Variants in MARCHF1 observed in about 807,000 individuals in gnomAD.
The protein encoded by MARCHF1 is E3 ubiquitin-protein ligase MARCHF1.
In MARCHF1, 40 loss-of-function variants were observed where a neutral mutation model predicts 54.2. The ratio of observed to expected loss-of-function variants is 0.74; its 90% confidence interval spans 0.57 to 0.96. MARCHF1 has a LOEUF of 0.96. Ranked by LOEUF, MARCHF1 falls within the 40% of genes least tolerant of loss-of-function variation. The pLI is 0.00. For missense variants in MARCHF1, 586 were observed against 656.5 expected, an observed-to-expected ratio of 0.89 and a Z score of 1.17; for synonymous variants, 236 against 236.3, an observed-to-expected ratio of 1.00 and a Z score of 0.01.
At chr4:164,135,822 A>G (rs1756389438) in intron 1 of MARCHF1, among the ~76,000 whole-genome samples, 2 of 152,260 alleles carry the variant, frequency 1.3e-5, no homozygotes, top group South Asian at 4.1e-4. Flanking sequence ...CACCAGGATT[A>G]TTGGAATTCC....
chr4:163,955,932 A>G (rs1752224586), intron 3 of MARCHF1, among the ~76,000 whole-genome samples: 1 of 152,172 alleles, frequency 6.6e-6, no homozygotes, highest in Non-Finnish European at 1.5e-5. Flanking sequence ...GCAAATAGAA[A>G]GGGATGGGAG....
At chr4:164,239,533 CT>C (rs1448510765) in intron 1 of MARCHF1, among the ~76,000 whole-genome samples, 3 of 152,086 alleles carry the variant, frequency 2.0e-5, no homozygotes, top group Admixed American at 2.0e-4. Context: ...TCCTTGACAA[CT>C]TTGATTTTCC....
intron 4 of MARCHF1, among the ~76,000 whole-genome samples, chr4:163,742,335 CCTCCCTCCCTCT>C (rs1453257443): frequency 4.1e-5 from 6 of 147,492 alleles, no homozygotes; most frequent in Admixed American, 3.4e-4. Flanking sequence ...CCTCCCTTTC[CCTCCCTCCCTCT>C]CTCCCTCCCT....
chr4:164,217,789 C>T (rs113914583), intron 1 of MARCHF1, among the ~76,000 whole-genome samples: 3 of 152,278 alleles, frequency 2.0e-5, no homozygotes, highest in East Asian at 1.9e-4. Flanking sequence ...GCTCCCCACT[C>T]ATCGGTCTCC....
intron 4 of MARCHF1, among the ~76,000 whole-genome samples, chr4:163,742,284 G>C (rs1000337728): frequency 1.3e-5 from 2 of 151,796 alleles, no homozygotes; most frequent in African/African-American, 2.4e-5. Flanking sequence ...TCAATTATTG[G>C]CTAGTACTAA....
chr4:164,235,503 T>C (rs1382080432), intron 1 of MARCHF1, among the ~76,000 whole-genome samples: 1 of 152,164 alleles, frequency 6.6e-6, no homozygotes, highest in Non-Finnish European at 1.5e-5. Flanking sequence ...TCTAGTTTAA[T>C]TTCTCTTCTA....
intron 1 of MARCHF1, among the ~76,000 whole-genome samples, chr4:164,330,515 C>A (rs752176632): frequency 2.0e-5 from 3 of 152,192 alleles, no homozygotes; most frequent in Non-Finnish European, 2.9e-5. Flanking sequence ...TCAAACTGTG[C>A]AAGTTGCAAA....
chr4:164,247,824 T>C lies in MARCHF1; in HGVS notation c.-323+136046A>G, dbSNP rs886323825. On this transcript the variant is annotated intron_variant, in intron 1 of 9. Transcript: ENST00000514618. ...TCACCCTAGAACATTCCATCTAGTA[T>C]GGGAAAGGAGGTATTTGTATCTATC... Among the ~76,000 whole-genome samples the C allele has an allele frequency of 3.4e-5, 5 of 148,120 alleles. No individual in the cohort carries two copies. In the Admixed American group the frequency reaches 3.4e-4, roughly 10 times the overall value.
intron 1 of MARCHF1, among the ~76,000 whole-genome samples, chr4:164,203,351 T>G (rs769265428): frequency 2.0e-5 from 3 of 152,088 alleles, no homozygotes; most frequent in African/African-American, 7.2e-5. Flanking sequence ...CTTATTTTGT[T>G]AATTTGGCTC....
At chr4:163,853,520 T>C (rs1379087032) in intron 4 of MARCHF1, among the ~76,000 whole-genome samples, 1 of 152,224 alleles carries the variant, frequency 6.6e-6, no homozygotes, top group African/African-American at 2.4e-5. Context: ...AGCACATTCT[T>C]GAATTGGTCT....
At chr4:163,610,145 T>C (rs1741285855) in intron 7 of MARCHF1, among the ~76,000 whole-genome samples, 1 of 152,062 alleles carries the variant, frequency 6.6e-6, no homozygotes, top group African/African-American at 2.4e-5. Flanking sequence ...TCAGCAAATC[T>C]TTCTTCAAAT....
At chr4:164,319,000 C>A (rs531462738) in intron 1 of MARCHF1, among the ~76,000 whole-genome samples, 4 of 152,102 alleles carry the variant, frequency 2.6e-5, no homozygotes, top group African/African-American at 9.6e-5. Flanking sequence ...GTTAAAGAAC[C>A]TCTTCAGGTT....
At chr4:163,603,099 G>A (rs1741025121) in intron 7 of MARCHF1, among the ~76,000 whole-genome samples, 1 of 152,086 alleles carries the variant, frequency 6.6e-6, no homozygotes, top group African/African-American at 2.4e-5. Context: ...TAGACAATGG[G>A]TGACTCTATA....
intron 4 of MARCHF1, among the ~76,000 whole-genome samples, chr4:163,731,781 C>T (rs552765206): frequency 5.9e-5 from 9 of 152,296 alleles, no homozygotes; most frequent in South Asian, 2.1e-4. Flanking sequence ...TGCCGTTAAT[C>T]ACCTGAATGG....
At chr4:163,885,353 T>C (rs750030726) in intron 3 of MARCHF1, among the ~76,000 whole-genome samples, 2 of 152,160 alleles carry the variant, frequency 1.3e-5, no homozygotes, top group Non-Finnish European at 1.5e-5. Context: ...TCATTTGTTA[T>C]GGACCAGTGT....
intron 1 of MARCHF1, among the ~76,000 whole-genome samples, chr4:164,259,579 G>GAAAAAA (rs1560977910): frequency 7.9e-6 from 1 of 126,984 alleles, no homozygotes; most frequent in Non-Finnish European, 1.7e-5. Flanking sequence ...AAAAGAAAAA[G>GAAAAAA]AAAAAAGAAA....
chr4:163,971,395 G>C (rs535155981), intron 3 of MARCHF1, among the ~76,000 whole-genome samples: 1 of 152,244 alleles, frequency 6.6e-6, no homozygotes, highest in South Asian at 2.1e-4. Context: ...AACAGTCCAT[G>C]GTTATTGCCC....
At chr4:163,848,001 A>G (rs1291448269) in intron 4 of MARCHF1, among the ~76,000 whole-genome samples, 5 of 152,196 alleles carry the variant, frequency 3.3e-5, no homozygotes, top group Non-Finnish European at 7.3e-5. Context: ...TGTAATGCCT[A>G]AACTCTTAAC....
chr4:163,725,790 C>T (rs192429474), intron 4 of MARCHF1, among the ~76,000 whole-genome samples: 5 of 152,164 alleles, frequency 3.3e-5, no homozygotes, highest in Middle Eastern at 3.4e-3. Context: ...GCCTGTTTAT[C>T]GTTAGGTACC....
Sources: allele counts gnomAD v4.1 joint callset (sites outside exome capture counted in the v4.1 genomes callset), GRCh38; gene constraint gnomAD v4.1.1; transcripts MANE v1.5; gene names NCBI Gene and HGNC (gene_info 2026-07-23, HGNC 2026-07-21).